The following WFDC5 variants were observed in gnomAD, a reference collection of about 807,000 sequenced individuals.
WFDC5 encodes WAP four-disulfide core domain protein 5.
Under a neutral mutation model 15.7 loss-of-function variants are expected in WFDC5, and 15 were observed. The observed-to-expected ratio is 0.96, with a 90% CI of 0.64 to 1.47. WFDC5 has a LOEUF of 1.47. Among genes scored for constraint, WFDC5 ranks in the 40% most tolerant of loss-of-function variants. The pLI is 0.00. For synonymous variants in WFDC5, 109 were observed against 107.7 expected (o/e 1.01, Z -0.07); for missense variants, 280 against 258.0 (o/e 1.09, Z -0.59).
At chr20:45,115,847 C>A (rs1182793234), upstream of WFDC5, among the ~76,000 whole-genome samples, 1 of 152,168 alleles carries the variant, frequency 6.6e-6, no homozygotes, top group Non-Finnish European at 1.5e-5. Context: ...CATCCAGGGA[C>A]CCCCACCTTA....
intron 1 of WFDC5, among the ~76,000 whole-genome samples, chr20:45,113,614 C>T (rs1463943489): frequency 6.6e-6 from 1 of 152,224 alleles, no homozygotes; most frequent in African/African-American, 2.4e-5. Flanking sequence ...CCCCATTTTA[C>T]AAGGAGTAAG....
chr20:45,115,775 A>C (rs376709669), upstream of WFDC5, among the ~76,000 whole-genome samples: 1 of 152,164 alleles, frequency 6.6e-6, no homozygotes, highest in East Asian at 1.9e-4. Flanking sequence ...GTCACAGCAG[A>C]TGTGTGGCCA....
rs150340324 is a variant in WFDC5, at chr20:45,113,332, G to A, written c.85+1667C>T. The stretch of plus-strand genomic sequence containing the variant: ...TTGTCTGAAATTCTACCAACAGCTC[G>A]GCAATGTCTTACAGGAGAGAAACCA... On this transcript the variant is annotated intron_variant, in intron 1 of 3. Coordinates refer to ENST00000307971, the Ensembl canonical transcript of WFDC5. Among the ~76,000 whole-genome samples, 501 of 152,298 alleles carry A rather than the reference G, an allele frequency of 3.3e-3. 4 individuals are homozygous for A. Among genetic ancestry groups the A allele is most frequent in the African/African-American group, 0.012 (479 of 41,534 alleles).
chr20:45,115,148 G>C, exon 1 of WFDC5: 3 of 1,499,590 alleles, frequency 2.0e-6, no homozygotes, highest in Non-Finnish European at 2.7e-6. Context: ...AGGGAAGCCA[G>C]AGAAACTTAG....
chr20:45,110,131 T>C (rs1981569844), intron 3 of WFDC5, 118 bp from the exon 4 acceptor site: 1 of 1,413,440 alleles, frequency 7.1e-7, no homozygotes, highest in Non-Finnish European at 9.5e-7. Context: ...GCAGGATTCC[T>C]CTGCCCCCTT....
rs760068528 is a variant in WFDC5 at position 45,110,761 on chromosome 20, A to C, written c.100T>G (p.Cys34Gly). The change falls in exon 2 of 4, where the codon TGC (cysteine) becomes GGC (glycine). Residue 34 changes from cysteine to glycine, a missense_variant. Coordinates refer to ENST00000307971, the Ensembl canonical transcript of WFDC5. Reference sequence around the variant, plus strand: ...AGGCAGGGCCCATCATCTGGCGGGCAGCCCCCCGATTTCTCTGTAAGAGAA... The same window carrying C: ...AGGCAGGGCCCATCATCTGGCGGGCCGCCCCCCGATTTCTCTGTAAGAGAA... 2.5e-6 allele frequency: 4 copies of C among 1,614,012 alleles called. No individual in the cohort carries two copies. In the African/African-American group the frequency reaches 5.3e-5, roughly 22 times the overall value.
chr20:45,110,057 G>C lies in WFDC5; in HGVS notation c.394-44C>G, dbSNP rs368125755. The stretch of plus-strand genomic sequence containing the variant: ...AGGGTTAATTCCTTCCCATAATAGG[G>C]CTCTGGTTTCTGGCCTTGGTCTCCC... On this transcript the variant is annotated intron_variant, in intron 3 of 3. Coordinates refer to ENST00000307971, the Ensembl canonical transcript of WFDC5. 1.9e-4 allele frequency: 295 copies of C among 1,594,022 alleles called. 1 individual carries two copies. Among genetic ancestry groups the C allele is most frequent in the Non-Finnish European group, 2.1e-4 (248 of 1,168,040 alleles).
upstream of WFDC5, among the ~76,000 whole-genome samples, chr20:45,115,386 T>C (rs1473229623): frequency 1.3e-5 from 2 of 152,196 alleles, no homozygotes; most frequent in Admixed American, 6.5e-5. Context: ...TTTTTTCATC[T>C]GTACACAGGG....
chr20:45,113,113 C>T (rs1012656562), intron 1 of WFDC5, among the ~76,000 whole-genome samples: 3 of 152,294 alleles, frequency 2.0e-5, no homozygotes, highest in South Asian at 2.1e-4. Context: ...TTCCCAATAC[C>T]ACATAACCAC....
intron 1 of WFDC5, among the ~76,000 whole-genome samples, chr20:45,114,101 C>T (rs552641402): frequency 3.3e-5 from 5 of 152,346 alleles, no homozygotes; most frequent in South Asian, 4.1e-4. Context: ...AGCACCTTGT[C>T]GAGGAGTTAC....
intron 3 of WFDC5, 144 bp from the exon 4 acceptor site, chr20:45,110,157 AAGCCCAGAGCAGTTTAGGGCTGTC>A (rs746934847): frequency 7.6e-7 from 1 of 1,319,398 alleles, no homozygotes; most frequent in Non-Finnish European, 1.0e-6. Flanking sequence ...GGGCAAACAG[AAGCCCAGAGCAGTTTAGGGCTGTC>A]ATCCAGGTGC....
exon 3 of WFDC5, chr20:45,110,534 A>G (rs776059029): frequency 9.3e-6 from 15 of 1,614,196 alleles, no homozygotes; most frequent in Non-Finnish European, 1.3e-5. Context: ...GCAGCTGCCC[A>G]GCTTCACTGC....
chr20:45,110,502 G>A (rs199500433), exon 3 of WFDC5: 1 of 1,614,090 alleles, frequency 6.2e-7, no homozygotes, highest in Admixed American at 1.7e-5. Flanking sequence ...ATGGGGCTGA[G>A]GCAGCGCAGT....
intron 1 of WFDC5, 128 bp from the exon 2 acceptor site, chr20:45,110,903 TTTTG>T (rs960538474): frequency 2.6e-5 from 34 of 1,304,608 alleles, no homozygotes; most frequent in African/African-American, 2.0e-4. Context: ...TAGTTGTTAT[TTTTG>T]TTTGTTTGTT....
chr20:45,111,292 CGG>C (rs752954044), intron 1 of WFDC5, among the ~76,000 whole-genome samples: 1,303 of 124,974 alleles, frequency 0.01, no homozygotes, highest in Middle Eastern at 0.016. Flanking sequence ...CCCCCCACCC[CGG>C]CCCCCACACA....
intron 1 of WFDC5, among the ~76,000 whole-genome samples, chr20:45,114,693 A>G (rs898569450): frequency 1.3e-5 from 2 of 152,094 alleles, no homozygotes; most frequent in African/African-American, 4.8e-5. Context: ...ACACAGGCAC[A>G]TGCATTCCCC....
upstream of WFDC5, chr20:45,115,184 G>T: frequency 9.0e-7 from 1 of 1,115,976 alleles, no homozygotes; most frequent in Non-Finnish European, 1.3e-6. Context: ...GAGGGGGTGT[G>T]GAGTGACACC....
chr20:45,110,230 C>T (rs1981571952), intron 3 of WFDC5, 170 bp downstream of exon 3: 2 of 1,269,650 alleles, frequency 1.6e-6, no homozygotes, highest in African/African-American at 1.5e-5. Context: ...ACTCCCGGGT[C>T]CTCTGTCATC....
exon 4 of WFDC5, chr20:45,109,724 T>C: frequency 1.4e-6 from 1 of 716,784 alleles, no homozygotes; most frequent in South Asian, 1.5e-5. Context: ...CGGATTGGTG[T>C]GAAAGCGTTA....
Sources: gnomAD v4.1 joint callset for allele counts (sites outside exome capture counted in the v4.1 genomes callset) on GRCh38, gnomAD v4.1.1 for gene constraint, MANE v1.5 for transcripts, NCBI Gene and HGNC (gene_info 2026-07-23, HGNC 2026-07-21) for gene names.